Variants in RFX4 observed in about 807,000 individuals in gnomAD.
The protein encoded by RFX4 is regulatory factor X4, also known as transcription factor RFX4.
In RFX4, 10 loss-of-function variants were observed where a neutral mutation model predicts 95.0. The ratio of observed to expected loss-of-function variants is 0.11; its 90% CI spans 0.06 to 0.18. The LOEUF is 0.18. Ranked by LOEUF, RFX4 falls within the 10% of genes least tolerant of loss-of-function variation. The pLI is 1.00. For missense variants in RFX4, 640 were observed against 922.0 expected, an observed-to-expected ratio of 0.69 and a Z score of 3.96; for synonymous variants, 321 against 340.7, an observed-to-expected ratio of 0.94 and a Z score of 0.64.
intron 1 of RFX4, 154 bp downstream of exon 1, chr12:106,583,517 A>T (rs1211635253): frequency 1.6e-6 from 1 of 619,216 alleles, no homozygotes; most frequent in Non-Finnish European, 2.6e-6. Flanking sequence ...TTTCAATTCG[A>T]GGCGATGTGT....
chr12:106,656,737 T>C (rs1327762437), intron 4 of RFX4, among the ~76,000 whole-genome samples: 3 of 151,814 alleles, frequency 2.0e-5, no homozygotes, highest in Admixed American at 2.0e-4. Flanking sequence ...CCACCAAATG[T>C]CTCTCTTCTG....
intron 15 of RFX4, 37 bp from the exon 16 acceptor site, chr12:106,747,400 C>G (rs371073988): frequency 1.2e-6 from 2 of 1,601,634 alleles, no homozygotes; most frequent in African/African-American, 2.7e-5. Flanking sequence ...GATATGAGAA[C>G]TGTTAATGAT....
At chr12:106,683,465 T>TG (rs1222917487) in intron 5 of RFX4, 10 of 12,664 alleles carry the variant, frequency 7.9e-4, no homozygotes, top group African/African-American at 1.9e-3. Context: ...ATGACTATTC[T>TG]GAAAAAAAAA....
chr12:106,614,477 C>CTGTGTGTGTGTGTGTG (rs34226201), intron 2 of RFX4, among the ~76,000 whole-genome samples: 77 of 127,848 alleles, frequency 6.0e-4, no homozygotes, highest in Admixed American at 1.7e-3. Flanking sequence ...CGTCTTTTGC[C>CTGTGTGTGTGTGTGTG]TGTGTGTGTG....
At chr12:106,705,042 T>C (rs1396379674) in intron 8 of RFX4, among the ~76,000 whole-genome samples, 1 of 152,210 alleles carries the variant, frequency 6.6e-6, no homozygotes, top group African/African-American at 2.4e-5. Context: ...GTAAGTCAGA[T>C]AGACCTGGGC....
At chr12:106,739,787 C>T (rs1481401120) in intron 15 of RFX4, among the ~76,000 whole-genome samples, 1 of 152,164 alleles carries the variant, frequency 6.6e-6, no homozygotes, top group African/African-American at 2.4e-5. Context: ...TCCATTTTCT[C>T]CCCAAATTTG....
At chr12:106,661,148 G>T (rs1292017178) in intron 4 of RFX4, among the ~76,000 whole-genome samples, 1 of 152,150 alleles carries the variant, frequency 6.6e-6, no homozygotes, top group African/African-American at 2.4e-5. Context: ...ATGATGGGCA[G>T]GTCCTTTTCC....
chr12:106,691,064 G>A (rs542420304), intron 7 of RFX4, among the ~76,000 whole-genome samples: 88 of 152,342 alleles, frequency 5.8e-4, no homozygotes, highest in Non-Finnish European at 1.0e-3. Context: ...AATATATGGT[G>A]AGAGGTCCAG....
chr12:106,652,264 T>C (rs1164482859), intron 3 of RFX4, among the ~76,000 whole-genome samples: 1 of 152,184 alleles, frequency 6.6e-6, no homozygotes, highest in African/African-American at 2.4e-5. Flanking sequence ...TAGTAAATAT[T>C]TGTTGAGTTA....
At position 106,604,971 on chromosome 12, in the gene RFX4, G is replaced by C. The variant is rs116150130; in HGVS notation, c.44-3826G>C. ...TGATTATGACCTGAATTTGAATGCT[G>C]GTCTTCCTCTTACTAGCCAGATGAC... On this transcript the variant is annotated intron_variant, in intron 1 of 17. Transcript: ENST00000392842. Among the ~76,000 whole-genome samples, 426 of 152,278 alleles carry C rather than the reference G, an allele frequency of 2.8e-3. 3 individuals carry two copies. The highest frequency in any genetic ancestry group is 9.4e-3 in the African/African-American group (391 of 41,554).
intron 2 of RFX4, among the ~76,000 whole-genome samples, chr12:106,613,542 T>G (rs1176114475): frequency 6.6e-6 from 1 of 151,992 alleles, no homozygotes; most frequent in Non-Finnish European, 1.5e-5. Context: ...TTTTGTATTT[T>G]TAGTTGAGAT....
chr12:106,711,760 C>T (rs1434900034), intron 10 of RFX4, among the ~76,000 whole-genome samples: 2 of 152,176 alleles, frequency 1.3e-5, no homozygotes, highest in African/African-American at 4.8e-5. Context: ...TTCTGTGTTT[C>T]TCTTAATTAT....
At chr12:106,737,667 T>C (rs1335384626) in intron 15 of RFX4, among the ~76,000 whole-genome samples, 7 of 152,010 alleles carry the variant, frequency 4.6e-5, no homozygotes. Flanking sequence ...ACTTGCTATC[T>C]TGTGTACTAG....
At chr12:106,717,149 G>A (rs1353591257) in intron 11 of RFX4, among the ~76,000 whole-genome samples, 1 of 152,026 alleles carries the variant, frequency 6.6e-6, no homozygotes, top group Non-Finnish European at 1.5e-5. Context: ...CACCCTAATA[G>A]CACTGGGGGT....
chr12:106,708,398 G>A (rs2042128105), intron 8 of RFX4, among the ~76,000 whole-genome samples: 1 of 151,834 alleles, frequency 6.6e-6, no homozygotes, highest in African/African-American at 2.4e-5. Flanking sequence ...GCAGGGAGGA[G>A]AGAGTTGGGG....
chr12:106,623,037 CTTTT>C (rs143790292), intron 2 of RFX4, among the ~76,000 whole-genome samples: 5 of 120,348 alleles, frequency 4.2e-5, no homozygotes, highest in Admixed American at 2.6e-4. Flanking sequence ...CAGCATTAGT[CTTTT>C]TTTTTTTTTT....
At chr12:106,726,739 G>T (rs530229255) in intron 13 of RFX4, among the ~76,000 whole-genome samples, 4 of 152,084 alleles carry the variant, frequency 2.6e-5, no homozygotes, top group African/African-American at 9.6e-5. Context: ...TCAAAATCTG[G>T]CAAGAAAAGC....
chr12:106,754,361 T>C (rs1421226984), intron 17 of RFX4, among the ~76,000 whole-genome samples: 1 of 152,192 alleles, frequency 6.6e-6, no homozygotes, highest in African/African-American at 2.4e-5. Flanking sequence ...AAGCATCTCA[T>C]TCATTCATTA....
At chr12:106,748,708 G>A (rs1175881830) in intron 16 of RFX4, among the ~76,000 whole-genome samples, 1 of 152,152 alleles carries the variant, frequency 6.6e-6, no homozygotes, top group Non-Finnish European at 1.5e-5. Context: ...CAGCACTTTG[G>A]AAGGCCGAGG....
Sources: allele counts gnomAD v4.1 joint callset (sites outside exome capture counted in the v4.1 genomes callset), GRCh38; gene constraint gnomAD v4.1.1; transcripts MANE v1.5; gene names NCBI Gene and HGNC (gene_info 2026-07-23, HGNC 2026-07-21).